The following NOTO variants were observed in gnomAD, a reference collection of about 807,000 sequenced individuals.
NOTO encodes the protein homeobox protein notochord.
In NOTO, 19 loss-of-function variants were observed where a neutral mutation model predicts 20.5. That is an observed-to-expected ratio of 0.93 (90% CI 0.65 to 1.36). The LOEUF (loss-of-function observed/expected upper bound fraction) is 1.36, where lower values mean the gene tolerates loss of function less well. NOTO is among the 40% of genes most tolerant of loss of function. The probability of loss-of-function intolerance (pLI) is 0.00; values close to 1 mark genes in which losing one functional copy is unlikely to be tolerated. For missense variants in NOTO, 369 were observed against 336.2 expected (o/e 1.10, Z -0.76); for synonymous variants, 150 against 150.2 (o/e 1.00, Z 0.01).
At position 73,203,024 on chromosome 2, in the gene NOTO, G is replaced by C. The variant is rs746933684; in HGVS notation, c.358G>C (p.Gly120Arg). Reference protein sequence around the residue: ...VPGPRVAPVCGLLGFGVTGLE... With the variant: ...VPGPRVAPVCRLLGFGVTGLE... ...AGGGCCGCGCGTGGCTCCCGTCTGC[G>C]GCCTGCTGGGCTTCGGCGTCACAGG... The change falls in exon 1 of 3, where the codon GGC becomes CGC. Residue 120 changes from glycine to arginine, a missense_variant. Gly to Arg is a moderately radical substitution (Grantham distance 125, BLOSUM62 -2). Coordinates refer to ENST00000398468, the MANE Select transcript of NOTO (RefSeq NM_001134462.2). 2.8e-6 allele frequency: 4 copies of C among 1,407,534 alleles called. No individual in the cohort carries two copies. Among genetic ancestry groups the C allele is most frequent in the Non-Finnish European group, 3.7e-6 (4 of 1,083,042 alleles). 87.2% of individuals were successfully genotyped at this position (1,407,534 alleles called of 1,614,324 possible).
Position 73,202,827 on chromosome 2 carries a change from T to C in NOTO, c.161T>C (p.Ile54Thr), listed in dbSNP as rs906422276. ...GAGTCCCCTTTCTCGGTCGAGGCCA[T>C]CCTGGCGAGGCCCGACCCCTGCGCG... ...RFESPFSVEA[I>T]LARPDPCAPA... Residue 54 changes from isoleucine (I) to threonine (T), a missense_variant, in exon 1 of 3, where the codon ATC becomes ACC. By Grantham distance (89) the Ile-to-Thr change is moderately conservative. Transcript: ENST00000398468. 1 of 1,525,516 alleles carries C rather than the reference T, an allele frequency of 6.6e-7. No individual in the cohort carries two copies. Among genetic ancestry groups the C allele is most frequent in the Non-Finnish European group, 8.8e-7 (1 of 1,142,074 alleles). 94.5% of individuals were successfully genotyped at this position (1,525,516 alleles called of 1,614,324 possible). A position where few individuals can be genotyped will look rare whatever the true frequency, so the allele number is the denominator to read the frequency against.
chr2:73,208,290 G>A (rs1476057039), intron 1 of NOTO, 110 bp from the exon 2 acceptor site: 7 of 679,510 alleles, frequency 1.0e-5, no homozygotes, highest in Admixed American at 2.6e-5. Context: ...GGAAGGCAAG[G>A]TAGCAGAGCT....
At chr2:73,204,516 C>T (rs1686059640) in intron 1 of NOTO, among the ~76,000 whole-genome samples, 1 of 152,180 alleles carries the variant, frequency 6.6e-6, no homozygotes, top group Admixed American at 6.5e-5. Context: ...CATTTCCTCA[C>T]CCCATTTCAG....
At chr2:73,206,787 C>CTTTTTT (rs969908382) in intron 1 of NOTO, among the ~76,000 whole-genome samples, 3 of 89,962 alleles carry the variant, frequency 3.3e-5, no homozygotes, top group East Asian at 3.6e-4. Context: ...CCAACTAGAG[C>CTTTTTT]TTTTTTTTTT....
Position 73,210,899 on chromosome 2 carries a change from T to C in NOTO, c.726T>C (p.Ser242=). The C allele has an allele frequency of 6.4e-7, 1 of 1,551,152 alleles. No individual in the cohort carries two copies. Among genetic ancestry groups the C allele is most frequent in the Non-Finnish European group, 8.7e-7 (1 of 1,146,808 alleles). ...PSSSSIASIQ[S]DDAESGVDG ...GCAGCTCCATCGCCAGTATCCAGAG[T>C]GATGATGCCGAGTCAGGAGTGGACG... The change falls in exon 3 of 3, where the codon AGT becomes AGC. Residue 242 remains serine (S), a synonymous_variant. Coordinates refer to ENST00000398468, the MANE Select transcript of NOTO (RefSeq NM_001134462.2).
Position 73,210,756 on chromosome 2 carries a change from AC to A in NOTO, c.598-14del, listed in dbSNP as rs997143368. The A allele has an allele frequency of 1.9e-6, 3 of 1,541,966 alleles. No homozygotes were observed. In the African/African-American group the frequency reaches 4.1e-5, roughly 21 times the overall value. ...GATGGTCACATTCTGATCTCTGCCC[AC>A]TCTCCAATTATAGGTGAGAGTCTGG... On this transcript the variant is annotated splice_polypyrimidine_tract_variant and intron_variant, in intron 2 of 2. Coordinates refer to ENST00000398468, the MANE Select transcript of NOTO (RefSeq NM_001134462.2).
At position 73,202,830 on chromosome 2, in the gene NOTO, T is replaced by A. The variant is rs1033710427; in HGVS notation, c.164T>A (p.Leu55Gln). ...TCCCCTTTCTCGGTCGAGGCCATCC[T>A]GGCGAGGCCCGACCCCTGCGCGCCG... The part of the protein sequence containing the change: ...FESPFSVEAI[L>Q]ARPDPCAPAA... The change falls in exon 1 of 3, where the codon CTG becomes CAG. Residue 55 changes from leucine (L) to glutamine (Q), a missense_variant. By Grantham distance (113) the Leu-to-Gln change is moderately radical (BLOSUM62 -2). Transcript: ENST00000398468. 7.9e-6 allele frequency: 12 copies of A among 1,525,080 alleles called. No individual in the cohort carries two copies. In the African/African-American group the frequency reaches 1.7e-4, roughly 22 times the overall value. 94.5% of individuals were successfully genotyped at this position (1,525,080 alleles called of 1,614,324 possible).
chr2:73,208,463 T>A lies in NOTO; in HGVS notation c.446T>A (p.Leu149Gln). ...CCAGACTGGGCCCCAACGGAGGACC[T>A]ACAGGACACTGAGAGACAGCAAAAG... ...AFPDWAPTEDLQDTERQQKRV... is the reference protein window; with the variant it reads ...AFPDWAPTEDQQDTERQQKRV... Residue 149 changes from leucine (L) to glutamine (Q), a missense_variant, in exon 2 of 3, where the codon CTA becomes CAA. Transcript: ENST00000398468. The A allele has an allele frequency of 6.4e-7, 1 of 1,551,640 alleles. No homozygotes were observed. Among genetic ancestry groups the A allele is most frequent in the South Asian group, 1.2e-5 (1 of 84,056 alleles).
chr2:73,203,821 C>G (rs145946182), intron 1 of NOTO, among the ~76,000 whole-genome samples: 3,292 of 93,780 alleles, frequency 0.035, 111 homozygotes, highest in African/African-American at 0.089. Flanking sequence ...AAAAAATTGG[C>G]CGGGCGCGGT....
chr2:73,206,787 C>CA (rs1686094010), intron 1 of NOTO, among the ~76,000 whole-genome samples: 1 of 89,964 alleles, frequency 1.1e-5, no homozygotes, highest in Non-Finnish European at 2.0e-5. Context: ...CCAACTAGAG[C>CA]TTTTTTTTTT....
In NOTO at chr2:73,208,547, A is replaced by C; in HGVS notation, c.530A>C (p.Lys177Thr). Residue 177 changes from lysine to threonine, a missense_variant, in exon 2 of 3, where the codon AAA (lysine) becomes ACA (threonine). By Grantham distance (78) the Lys-to-Thr change is moderately conservative. Transcript: ENST00000398468. Reference sequence around the variant, plus strand: ...GAAGAGTTGGAGAAAGTGTTTGCAAAACAGCACAATCTGGTGGGGAAGAAG... The same window carrying C: ...GAAGAGTTGGAGAAAGTGTTTGCAACACAGCACAATCTGGTGGGGAAGAAG... ...QLEELEKVFA[K>T]QHNLVGKKRA... 2 of 1,551,654 alleles carry C rather than the reference A, an allele frequency of 1.3e-6. No individual in the cohort carries two copies. Among genetic ancestry groups the C allele is most frequent in the Non-Finnish European group, 1.7e-6 (2 of 1,146,978 alleles).
rs1346757550 is a variant in NOTO, at chr2:73,212,083, C to G, written c.*1154C>G. On this transcript the variant is annotated 3_prime_UTR_variant, in exon 3 of 3. Coordinates refer to ENST00000398468, the MANE Select transcript of NOTO (RefSeq NM_001134462.2). Reference sequence around the variant, plus strand: ...AAGAAGAGAAGGTAGACTGTTTAGCCCACTTCACAAAGTTTCCCAACGTTT... The same window carrying G: ...AAGAAGAGAAGGTAGACTGTTTAGCGCACTTCACAAAGTTTCCCAACGTTT... 2 of 152,194 alleles carry G rather than the reference C, an allele frequency of 1.3e-5. No individual in the cohort carries two copies. Among genetic ancestry groups the G allele is most frequent in the Admixed American group, 1.3e-4 (2 of 15,276 alleles). 9.4% of individuals were successfully genotyped at this position (152,194 alleles called of 1,614,324 possible).
In NOTO at chr2:73,210,860, G is replaced by C; in HGVS notation, c.687G>C (p.Leu229=). ...AAVTSAEAAS[L]DEPSSSSIAS... is the part of the protein sequence containing the mutation. ...TTACATCTGCCGAGGCTGCCTCCCT[G>C]GATGAGCCTTCCAGCAGCTCCATCG... The change falls in exon 3 of 3, where the codon CTG becomes CTC. Residue 229 remains leucine, a synonymous_variant. Coordinates refer to ENST00000398468, the MANE Select transcript of NOTO (RefSeq NM_001134462.2). 3 of 1,551,702 alleles carry C rather than the reference G, an allele frequency of 1.9e-6. No homozygotes were observed. Among genetic ancestry groups the C allele is most frequent in the Non-Finnish European group, 2.6e-6 (3 of 1,146,970 alleles).
intron 2 of NOTO, among the ~76,000 whole-genome samples, chr2:73,209,982 C>T (rs757386955): frequency 5.9e-5 from 9 of 152,168 alleles, no homozygotes; most frequent in African/African-American, 2.2e-4. Flanking sequence ...CTTCACTTCT[C>T]TCTGTCACCC....
At position 73,211,312 on chromosome 2, in the gene NOTO, T is replaced by G; in HGVS notation, c.*383T>G. ...AGGCCCCTGAGTAGAGAAGACCAAC[T>G]GGAAAAAAAAAAGTTTTTTTCTTCT... On this transcript the variant is annotated 3_prime_UTR_variant, in exon 3 of 3. Coordinates refer to ENST00000398468, the MANE Select transcript of NOTO (RefSeq NM_001134462.2). The G allele has an allele frequency of 8.9e-6, 1 of 112,054 alleles. No individual in the cohort carries two copies. Among genetic ancestry groups the G allele is most frequent in the Non-Finnish European group, 1.6e-5 (1 of 61,052 alleles). 6.9% of individuals were successfully genotyped at this position (112,054 alleles called of 1,614,324 possible). A position where few individuals can be genotyped will look rare whatever the true frequency, so the allele number is the denominator to read the frequency against.
intron 1 of NOTO, among the ~76,000 whole-genome samples, chr2:73,206,857 C>T (rs1175816707): frequency 7.1e-6 from 1 of 141,664 alleles, no homozygotes. Context: ...TACAGTGGCA[C>T]AACCTTGGCT....
chr2:73,204,870 A>ATTTTTTTTTT lies in NOTO; in HGVS notation c.382+1830_382+1831insTTTTTTTTTT, dbSNP rs763001329. 3.2e-4 allele frequency among the ~76,000 whole-genome samples: 30 copies of ATTTTTTTTTT among 93,026 alleles called. 3 individuals are homozygous for ATTTTTTTTTT. The highest frequency in any genetic ancestry group is 1.1e-3 in the Admixed American group (9 of 8,514). The allele number at this position is 93,026 out of a possible 152,430, so 61.0% of individuals were successfully genotyped here. On this transcript the variant is annotated intron_variant, in intron 1 of 2. Transcript: ENST00000398468. ...CAAGCCCCAGCACCATGCCCGGCTAATTTTTTTTATTTTTTTATTTTTTTT... is the reference window on the plus strand; with the variant it reads ...CAAGCCCCAGCACCATGCCCGGCTAATTTTTTTTTTTTTTTTTTATTTTTTTATTTTTTTT...
chr2:73,204,582 G>C (rs1353258078), intron 1 of NOTO, among the ~76,000 whole-genome samples: 1 of 152,166 alleles, frequency 6.6e-6, no homozygotes, highest in Non-Finnish European at 1.5e-5. Flanking sequence ...CACTGGATCT[G>C]GGAGCTGTGC....
At chr2:73,209,506 T>G (rs1482384258) in intron 2 of NOTO, among the ~76,000 whole-genome samples, 1 of 152,108 alleles carries the variant, frequency 6.6e-6, no homozygotes, top group Non-Finnish European at 1.5e-5. Flanking sequence ...CTCTTAGTAC[T>G]GGACAGTCAG....
Sources: allele counts gnomAD v4.1 joint callset (sites outside exome capture counted in the v4.1 genomes callset), GRCh38; gene constraint gnomAD v4.1.1; transcripts MANE v1.5; gene names NCBI Gene and HGNC (gene_info 2026-07-23, HGNC 2026-07-21).